KCNH5: variants seen among roughly 807,000 people sequenced by gnomAD.
KCNH5 encodes the protein potassium voltage-gated channel subfamily H member 5.
In KCNH5, 46 loss-of-function variants were observed where a neutral mutation model predicts 96.1. The ratio of observed to expected loss-of-function variants is 0.48; its 90% CI spans 0.38 to 0.61. The LOEUF is 0.61. Ranked by LOEUF, KCNH5 falls within the 20% of genes least tolerant of loss-of-function variation. The pLI, the probability that KCNH5 is intolerant of heterozygous loss-of-function variation, is 0.00. For synonymous variants in KCNH5, 439 were observed against 449.8 expected (o/e 0.98, Z 0.30); for missense variants, 907 against 1,225.8 (o/e 0.74, Z 3.88).
chr14:63,032,653 T>C (rs1891650934), intron 1 of KCNH5, among the ~76,000 whole-genome samples: 1 of 152,190 alleles, frequency 6.6e-6, no homozygotes, highest in Non-Finnish European at 1.5e-5. Flanking sequence ...CAAATCAGTT[T>C]CTTATCAAAA....
chr14:62,950,657 C>A (rs1021424724), intron 6 of KCNH5, 98 bp from the exon 7 acceptor site: 17 of 978,470 alleles, frequency 1.7e-5, no homozygotes, highest in Non-Finnish European at 2.3e-5. Context: ...TTTAACCATC[C>A]AATTATATAT....
intron 10 of KCNH5, among the ~76,000 whole-genome samples, chr14:62,760,706 C>T (rs115371419): frequency 0.012 from 1,765 of 152,312 alleles, 32 homozygotes; most frequent in African/African-American, 0.04. Context: ...TATAGCCTTG[C>T]TGGGTCATCT....
intron 4 of KCNH5, among the ~76,000 whole-genome samples, chr14:62,999,253 T>A (rs1456054601): frequency 1.3e-5 from 2 of 152,204 alleles, no homozygotes; most frequent in African/African-American, 2.4e-5. Flanking sequence ...TGGTATCTCA[T>A]TGTGGTTTTG....
intron 6 of KCNH5, among the ~76,000 whole-genome samples, chr14:62,976,173 G>A (rs1000551947): frequency 2.0e-5 from 3 of 151,936 alleles, no homozygotes; most frequent in Non-Finnish European, 2.9e-5. Context: ...GGCCAAGACG[G>A]GTGGATCATG....
At chr14:62,981,834 C>T (rs1890613690) in intron 5 of KCNH5, among the ~76,000 whole-genome samples, 1 of 152,178 alleles carries the variant, frequency 6.6e-6, no homozygotes, top group Admixed American at 6.5e-5. Context: ...TATTGTGTTT[C>T]TTGCCCAACT....
intron 9 of KCNH5, among the ~76,000 whole-genome samples, chr14:62,792,063 G>T (rs965538075): frequency 2.6e-5 from 4 of 151,318 alleles, no homozygotes; most frequent in Non-Finnish European, 5.9e-5. Context: ...CTTCAACTAT[G>T]TACAAACTGC....
At chr14:62,912,299 ATCTTAT>A (rs1889183540) in intron 7 of KCNH5, among the ~76,000 whole-genome samples, 1 of 152,136 alleles carries the variant, frequency 6.6e-6, no homozygotes, top group African/African-American at 2.4e-5. Flanking sequence ...CAACCATCAA[ATCTTAT>A]TCTTTGTCTT....
intron 7 of KCNH5, among the ~76,000 whole-genome samples, chr14:62,913,279 G>A (rs977760065): frequency 1.1e-4 from 17 of 152,050 alleles, no homozygotes; most frequent in African/African-American, 3.9e-4. Context: ...CCAGGCTGGA[G>A]TGCAGTGGTG....
intron 8 of KCNH5, among the ~76,000 whole-genome samples, chr14:62,827,184 G>T (rs987410545): frequency 1.3e-5 from 2 of 152,108 alleles, no homozygotes; most frequent in Non-Finnish European, 2.9e-5. Context: ...TTTAAAGACA[G>T]GTGTTTATAT....
intron 5 of KCNH5, among the ~76,000 whole-genome samples, chr14:62,982,959 C>A (rs1890637860): frequency 6.6e-6 from 1 of 152,098 alleles, no homozygotes; most frequent in African/African-American, 2.4e-5. Flanking sequence ...TACAATTGTA[C>A]ATAATCATGT....
At chr14:62,911,497 G>C (rs1460622820) in intron 7 of KCNH5, among the ~76,000 whole-genome samples, 1 of 151,814 alleles carries the variant, frequency 6.6e-6, no homozygotes, top group East Asian at 1.9e-4. Flanking sequence ...TCATACAGAA[G>C]AGTAAATGAT....
At chr14:62,723,137 A>AT (rs11358916) in intron 10 of KCNH5, among the ~76,000 whole-genome samples, 1,924 of 148,362 alleles carry the variant, frequency 0.013, 33 homozygotes, top group East Asian at 0.095. Flanking sequence ...ATCTTTAAAG[A>AT]TTTTTTTTTT....
At chr14:63,010,495 C>T (rs955696049) in intron 2 of KCNH5, among the ~76,000 whole-genome samples, 1 of 152,148 alleles carries the variant, frequency 6.6e-6, no homozygotes, top group African/African-American at 2.4e-5. Context: ...AATCTTCTTT[C>T]TTCACAAGCC....
At chr14:62,896,503 T>G (rs1029965763) in intron 7 of KCNH5, among the ~76,000 whole-genome samples, 1 of 152,182 alleles carries the variant, frequency 6.6e-6, no homozygotes, top group African/African-American at 2.4e-5. Context: ...AGGAGTATCC[T>G]TAAAGGAAAA....
At chr14:62,797,396 C>T (rs1886562733) in intron 9 of KCNH5, among the ~76,000 whole-genome samples, 1 of 152,150 alleles carries the variant, frequency 6.6e-6, no homozygotes, top group Non-Finnish European at 1.5e-5. Context: ...TAAGTAATTT[C>T]ATCATCATGA....
chr14:62,918,899 T>C, intron 7 of KCNH5, among the ~76,000 whole-genome samples: 1 of 152,110 alleles, frequency 6.6e-6, no homozygotes, highest in Non-Finnish European at 1.5e-5. Context: ...AAAATACTTA[T>C]GAAAATCATT....
At chr14:62,843,352 G>A (rs1199580686) in intron 8 of KCNH5, among the ~76,000 whole-genome samples, 1 of 150,434 alleles carries the variant, frequency 6.6e-6, no homozygotes, top group East Asian at 1.9e-4. Flanking sequence ...TACTTTTAGT[G>A]CATCTTAAGA....
At chr14:62,950,096 T>C in intron 7 of KCNH5, 37 bp downstream of exon 7, 1 of 1,589,640 alleles carries the variant, frequency 6.3e-7, no homozygotes, top group Non-Finnish European at 8.6e-7. Context: ...AAATTGCCAA[T>C]AACAATAATT....
Position 62,803,409 on chromosome 14 carries a change from G to A in KCNH5, c.1570-828C>T, listed in dbSNP as rs528686683. Among the ~76,000 whole-genome samples, 7 of 152,242 alleles carry A rather than the reference G, an allele frequency of 4.6e-5. No individual in the cohort carries two copies. In the South Asian group the frequency reaches 1.0e-3, roughly 23 times the overall value. ...ACTCTTGATATATTTTTTTCACTCT[G>A]AAGATTTTCCTTTTACAAATAAATT... On this transcript the variant is annotated intron_variant, in intron 8 of 10. Coordinates refer to ENST00000322893, the MANE Select transcript of KCNH5 (RefSeq NM_139318.5).
Sources: allele counts gnomAD v4.1 joint callset (sites outside exome capture counted in the v4.1 genomes callset), GRCh38; gene constraint gnomAD v4.1.1; transcripts MANE v1.5; gene names NCBI Gene and HGNC (gene_info 2026-07-23, HGNC 2026-07-21).